RBM25: variants seen among roughly 807,000 people sequenced by gnomAD.
RBM25 encodes RNA-binding protein 25.
RBM25 carries 19 observed loss-of-function variants against 120.7 expected under a neutral mutation model. The ratio of observed to expected loss-of-function variants is 0.16; its 90% CI spans 0.11 to 0.23. The LOEUF (loss-of-function observed/expected upper bound fraction) is 0.23, where lower values mean the gene tolerates loss of function less well. Ranked by LOEUF, RBM25 falls within the 10% of genes least tolerant of loss-of-function variation. The pLI, the probability that RBM25 is intolerant of heterozygous loss-of-function variation, is 1.00. For missense variants in RBM25, 605 were observed against 1,041.5 expected (o/e 0.58, Z 5.77); for synonymous variants, 390 against 326.7 (o/e 1.19, Z -2.09).
chr14:73,068,577 T>C, intron 1 of RBM25: 2 of 575,248 alleles, frequency 3.5e-6, no homozygotes, highest in South Asian at 2.8e-5. Flanking sequence ...TTTGCCAGTG[T>C]ACGGTAGATC....
chr14:73,096,859 G>T, intron 6 of RBM25, 56 bp from the exon 7 acceptor site: 1 of 1,458,980 alleles, frequency 6.9e-7, no homozygotes, highest in Non-Finnish European at 9.5e-7. Context: ...GTTGTAGAGT[G>T]ATTTTGATTT....
chr14:73,108,350 G>C (rs897603895), intron 13 of RBM25, among the ~76,000 whole-genome samples: 12 of 152,142 alleles, frequency 7.9e-5, no homozygotes, highest in Non-Finnish European at 1.8e-4. Context: ...ACACCTGTGT[G>C]CTAGGTCCAA....
At chr14:73,086,819 C>T (rs1474737808) in intron 5 of RBM25, among the ~76,000 whole-genome samples, 1 of 152,146 alleles carries the variant, frequency 6.6e-6, no homozygotes, top group Non-Finnish European at 1.5e-5. Flanking sequence ...ATTCTCCTTC[C>T]TTAGCCTCCC....
At chr14:73,113,431 C>G (rs149651817) in intron 17 of RBM25, among the ~76,000 whole-genome samples, 2,238 of 151,646 alleles carry the variant, frequency 0.015, 44 homozygotes, top group African/African-American at 0.049. Context: ...TGGCCCACGC[C>G]TTGTAATTCC....
At chr14:73,116,456 C>G (rs771300760) in intron 18 of RBM25, among the ~76,000 whole-genome samples, 1 of 152,188 alleles carries the variant, frequency 6.6e-6, no homozygotes, top group Non-Finnish European at 1.5e-5. Context: ...TTTATGGTGT[C>G]TAAAGCCAGA....
chr14:73,093,575 C>T (rs1303699804), intron 6 of RBM25, among the ~76,000 whole-genome samples: 5 of 152,130 alleles, frequency 3.3e-5, no homozygotes, highest in East Asian at 3.9e-4. Context: ...GGTGTAATCT[C>T]GGCTCACTGC....
chr14:73,073,583 G>T (rs1895344152), intron 2 of RBM25, among the ~76,000 whole-genome samples: 1 of 152,228 alleles, frequency 6.6e-6, no homozygotes, highest in South Asian at 2.1e-4. Flanking sequence ...AGCTACTCAG[G>T]AGGCTGAGGC....
chr14:73,113,616 G>A (rs941356424), intron 17 of RBM25, among the ~76,000 whole-genome samples: 4 of 151,830 alleles, frequency 2.6e-5, no homozygotes, highest in African/African-American at 4.8e-5. Context: ...ACTTGAACCC[G>A]GGAGGCGGAG....
chr14:73,068,995 C>T (rs1221525671), intron 1 of RBM25, among the ~76,000 whole-genome samples: 1 of 152,206 alleles, frequency 6.6e-6, no homozygotes, highest in Non-Finnish European at 1.5e-5. Flanking sequence ...ACTCCGCACC[C>T]TGGGTTCAAG....
chr14:73,113,563 C>T (rs1345376142), intron 17 of RBM25, among the ~76,000 whole-genome samples: 2 of 151,882 alleles, frequency 1.3e-5, no homozygotes, highest in Non-Finnish European at 2.9e-5. Context: ...GGGTGGCAGG[C>T]ACCTGTAATC....
chr14:73,116,792 T>C (rs1019410982), intron 18 of RBM25, among the ~76,000 whole-genome samples: 9 of 152,226 alleles, frequency 5.9e-5, no homozygotes, highest in Non-Finnish European at 1.0e-4. Flanking sequence ...TATATTGATA[T>C]TTGAAGTGTA....
At chr14:73,071,240 CA>C (rs11325196) in intron 1 of RBM25, among the ~76,000 whole-genome samples, 48,690 of 108,698 alleles carry the variant, frequency 0.45, 8,379 homozygotes, top group Non-Finnish European at 0.48. Context: ...GACTCTGTCT[CA>C]AAAAAAAAAA....
intron 1 of RBM25, among the ~76,000 whole-genome samples, chr14:73,063,938 C>G (rs929551056): frequency 2.6e-5 from 4 of 151,488 alleles, no homozygotes; most frequent in Non-Finnish European, 5.9e-5. Context: ...CTGCTCCAGT[C>G]ATACTGTTGG....
chr14:73,122,267 TGTTTTTTTGGG>T lies in RBM25; in HGVS notation c.*2471_*2481del, dbSNP rs1208962161. 5 of 150,156 alleles carry T rather than the reference TGTTTTTTTGGG, an allele frequency of 3.3e-5. No homozygotes were observed. The highest frequency in any genetic ancestry group is 4.2e-4 in the South Asian group (2 of 4,802). The allele number at this position is 150,156 out of a possible 1,614,324, so 9.3% of individuals were successfully genotyped here. A position where few individuals can be genotyped will look rare whatever the true frequency, so the allele number is the denominator to read the frequency against. ...AAAGAGCATGAAAGTCTTTTTTTGTTGTTTTTTTGGGGTTTTTTTTTTTTTGAGAGGAAGTT... is the reference window on the plus strand; with the variant it reads ...AAAGAGCATGAAAGTCTTTTTTTGTTGTTTTTTTTTTTTTGAGAGGAAGTT... On this transcript the variant is annotated 3_prime_UTR_variant, in exon 19 of 19. Coordinates refer to ENST00000261973, the MANE Select transcript of RBM25 (RefSeq NM_021239.3).
At chr14:73,071,796 TTGTGATAC>T in intron 2 of RBM25, 49 bp downstream of exon 2, 1 of 1,416,630 alleles carries the variant, frequency 7.1e-7, no homozygotes, top group East Asian at 2.3e-5. Flanking sequence ...ACTTTTGTCT[TTGTGATAC>T]TAACTTCAGG....
At chr14:73,112,039 G>C in intron 16 of RBM25, 113 bp from the exon 17 acceptor site, 2 of 1,141,460 alleles carry the variant, frequency 1.8e-6, no homozygotes, top group Non-Finnish European at 2.5e-6. Flanking sequence ...ATCTGTCTTA[G>C]TTCAACTTGT....
chr14:73,106,159 A>T, intron 11 of RBM25, 37 bp from the exon 12 acceptor site: 1 of 1,577,766 alleles, frequency 6.3e-7, no homozygotes, highest in Non-Finnish European at 8.6e-7. Flanking sequence ...AATGCTATGT[A>T]TAAATTTTTA....
intron 10 of RBM25, among the ~76,000 whole-genome samples, chr14:73,105,033 T>C (rs1896149930): frequency 5.3e-5 from 1 of 19,032 alleles, no homozygotes; most frequent in Admixed American, 5.5e-4. Context: ...TATATACATA[T>C]TAAATACACA....
chr14:73,077,169 A>G (rs920678614), intron 3 of RBM25, among the ~76,000 whole-genome samples, 200 bp from the exon 4 acceptor site: 1 of 152,246 alleles, frequency 6.6e-6, no homozygotes, highest in African/African-American at 2.4e-5. Context: ...GTAATCTAGT[A>G]GTAGAAGTTT....
Sources: allele counts gnomAD v4.1 joint callset (sites outside exome capture counted in the v4.1 genomes callset), GRCh38; gene constraint gnomAD v4.1.1; transcripts MANE v1.5; gene names NCBI Gene and HGNC (gene_info 2026-07-23, HGNC 2026-07-21).